Variants in FRMD6 observed in about 807,000 individuals in gnomAD.
The protein encoded by FRMD6 is FERM domain-containing protein 6.
FRMD6 carries 37 observed loss-of-function variants against 73.2 expected under a neutral mutation model. That is an observed-to-expected ratio of 0.51 (90% CI 0.39 to 0.66). The LOEUF is 0.66. FRMD6 is among the 30% of genes least tolerant of loss of function. The pLI is 0.00. For missense variants in FRMD6, 714 were observed against 780.5 expected, an observed-to-expected ratio of 0.91 and a Z score of 1.02; for synonymous variants, 273 against 282.2, an observed-to-expected ratio of 0.97 and a Z score of 0.33.
chr14:51,642,843 G>A (rs938007487), intron 2 of FRMD6, among the ~76,000 whole-genome samples: 1 of 152,178 alleles, frequency 6.6e-6, no homozygotes, highest in African/African-American at 2.4e-5. Context: ...TACTTAATAA[G>A]TATCTGCTAA....
the FRMD6 span, among the ~76,000 whole-genome samples, chr14:51,420,067 G>T: frequency 7.8e-4 from 118 of 152,160 alleles, no homozygotes; most frequent in African/African-American, 2.7e-3. Flanking sequence ...ATAAAATATC[G>T]TGAAAGTGAA....
intron 1 of FRMD6, among the ~76,000 whole-genome samples, chr14:51,532,879 C>A (rs978871556): frequency 6.6e-6 from 1 of 152,238 alleles, no homozygotes; most frequent in African/African-American, 2.4e-5. Flanking sequence ...GCTCATTCAA[C>A]CCCATTTTGT....
chr14:51,467,456 G>A, the FRMD6 span, among the ~76,000 whole-genome samples: 1 of 152,200 alleles, frequency 6.6e-6, no homozygotes, highest in Non-Finnish European at 1.5e-5. Context: ...TCGTCATCAT[G>A]GCCTGTTCTC....
chr14:51,511,449 C>G (rs1884305793), intron 1 of FRMD6, among the ~76,000 whole-genome samples: 1 of 152,162 alleles, frequency 6.6e-6, no homozygotes, highest in Admixed American at 6.5e-5. Flanking sequence ...GCTGTAGTAA[C>G]TGGGAAACAC....
intron 2 of FRMD6, among the ~76,000 whole-genome samples, chr14:51,615,613 G>C (rs1379249782): frequency 1.3e-5 from 2 of 152,092 alleles, no homozygotes; most frequent in African/African-American, 2.4e-5. Flanking sequence ...CATTCACTTC[G>C]ACAAGCATAT....
chr14:51,682,181 A>ATTCCC (rs1566560497), intron 1 of FRMD6, among the ~76,000 whole-genome samples: 1 of 152,166 alleles, frequency 6.6e-6, no homozygotes. Flanking sequence ...CTACTTATAT[A>ATTCCC]TTCCCTGTAA....
chr14:51,474,492 G>A, the FRMD6 span, among the ~76,000 whole-genome samples: 4 of 152,172 alleles, frequency 2.6e-5, no homozygotes, highest in Non-Finnish European at 4.4e-5. Flanking sequence ...TGGTGGGGCC[G>A]GAGGAGTTTT....
At chr14:51,415,887 T>A in the FRMD6 span, among the ~76,000 whole-genome samples, 1 of 152,178 alleles carries the variant, frequency 6.6e-6, no homozygotes, top group East Asian at 1.9e-4. Context: ...CTTGGGAGAG[T>A]GTACGTGTCT....
intron 2 of FRMD6, among the ~76,000 whole-genome samples, chr14:51,619,105 T>C (rs978406243): frequency 6.6e-6 from 1 of 151,948 alleles, no homozygotes; most frequent in African/African-American, 2.4e-5. Flanking sequence ...AACAGAAGTG[T>C]TTCATGACAT....
chr14:51,633,563 T>G (rs1301972023), intron 2 of FRMD6, among the ~76,000 whole-genome samples: 1 of 118,234 alleles, frequency 8.5e-6, no homozygotes, highest in Non-Finnish European at 1.6e-5. Context: ...ATCATGCCAC[T>G]GCACTCCAGC....
At chr14:51,587,801 G>A (rs6572779) in intron 2 of FRMD6, among the ~76,000 whole-genome samples, 146,770 of 152,280 alleles carry the variant, frequency 0.96, 70,743 homozygotes, top group South Asian at 0.98. Context: ...AAAATATGAA[G>A]AAGAAACAAG....
At chr14:51,677,143 C>T (rs942567658) in intron 1 of FRMD6, among the ~76,000 whole-genome samples, 2 of 151,846 alleles carry the variant, frequency 1.3e-5, no homozygotes, top group African/African-American at 2.4e-5. Context: ...TGGGCCTTTG[C>T]GTTTCTAGCT....
chr14:51,634,670 A>C (rs1160329025), intron 2 of FRMD6, among the ~76,000 whole-genome samples: 2 of 152,230 alleles, frequency 1.3e-5, no homozygotes, highest in South Asian at 2.1e-4. Context: ...ATTTTTTAAA[A>C]CACTGGAAAA....
chr14:51,469,933 A>G, the FRMD6 span, among the ~76,000 whole-genome samples: 1 of 151,718 alleles, frequency 6.6e-6, no homozygotes, highest in East Asian at 1.9e-4. Flanking sequence ...TAACAAATTG[A>G]CAGAGACAGA....
intron 1 of FRMD6, among the ~76,000 whole-genome samples, chr14:51,492,971 G>T (rs556736544): frequency 6.6e-6 from 1 of 152,284 alleles, no homozygotes; most frequent in East Asian, 1.9e-4. Flanking sequence ...GGTGTGCTCA[G>T]ATGGTTCATC....
chr14:51,704,983 C>G lies in FRMD6; in HGVS notation c.558+48C>G, dbSNP rs999018623. ...AAAGAGTGTTTTCTCTCGGGCATTT[C>G]TAGTTCGTAGTGTTGCTACTCATAC... On this transcript the variant is annotated intron_variant, in intron 6 of 13. Transcript: ENST00000344768. 3 of 1,537,200 alleles carry G rather than the reference C, an allele frequency of 2.0e-6. No homozygotes were observed. The African/African-American group carries it at 4.1e-5, about 21-fold the overall frequency.
intron 2 of FRMD6, among the ~76,000 whole-genome samples, chr14:51,625,631 C>A (rs888713731): frequency 6.6e-6 from 1 of 152,166 alleles, no homozygotes; most frequent in Non-Finnish European, 1.5e-5. Context: ...TTTCTGCTCC[C>A]GAGCACAAAC....
intron 1 of FRMD6, among the ~76,000 whole-genome samples, chr14:51,679,399 G>A (rs186539385): frequency 1.3e-5 from 2 of 150,426 alleles, no homozygotes; most frequent in East Asian, 3.9e-4. Context: ...TGCATATGTA[G>A]CATATAGAGA....
intron 1 of FRMD6, among the ~76,000 whole-genome samples, chr14:51,490,652 C>T (rs1882946087): frequency 1.1e-5 from 1 of 94,026 alleles, no homozygotes; most frequent in African/African-American, 3.8e-5. Flanking sequence ...TGCGAAATTT[C>T]TTCTTTAGTA....
Sources: allele counts gnomAD v4.1 joint callset (sites outside exome capture counted in the v4.1 genomes callset), GRCh38; gene constraint gnomAD v4.1.1; transcripts MANE v1.5; gene names NCBI Gene and HGNC (gene_info 2026-07-23, HGNC 2026-07-21).